The following TTC19 variants were observed in gnomAD, a reference collection of about 807,000 sequenced individuals.
The protein encoded by TTC19 is tetratricopeptide repeat domain 19, also known as tetratricopeptide repeat protein 19, mitochondrial.
TTC19 carries 38 observed loss-of-function variants against 49.5 expected under a neutral mutation model. The ratio of observed to expected loss-of-function variants is 0.77; its 90% CI spans 0.59 to 1.01. The LOEUF is 1.01. Ranked by LOEUF, TTC19 falls within the 50% of genes least tolerant of loss-of-function variation. TTC19 has a pLI of 0.00. For missense variants in TTC19, 475 were observed against 477.7 expected, an observed-to-expected ratio of 0.99 and a Z score of 0.05; for synonymous variants, 204 against 185.2, an observed-to-expected ratio of 1.10 and a Z score of -0.83.
downstream of TTC19, among the ~76,000 whole-genome samples, chr17:16,032,658 A>T (rs568866446): frequency 6.6e-6 from 1 of 152,236 alleles, no homozygotes; most frequent in East Asian, 1.9e-4. Flanking sequence ...ATCCTAGCCA[A>T]TGATATATAG....
At chr17:16,017,326 A>G (rs527707251) in intron 7 of TTC19, among the ~76,000 whole-genome samples, 6 of 151,816 alleles carry the variant, frequency 4.0e-5, no homozygotes, top group African/African-American at 1.4e-4. Flanking sequence ...ACGGGTGCCT[A>G]TAGTCCCAGC....
At chr17:16,033,934 G>T (rs190385161), downstream of TTC19, among the ~76,000 whole-genome samples, 63 of 152,168 alleles carry the variant, frequency 4.1e-4, 1 homozygote, top group East Asian at 8.5e-3. Flanking sequence ...GACCTCAAGT[G>T]ATCTGCCCGC....
intron 7 of TTC19, among the ~76,000 whole-genome samples, chr17:16,020,852 G>C (rs1268026443): frequency 6.6e-6 from 1 of 151,970 alleles, no homozygotes; most frequent in Non-Finnish European, 1.5e-5. Context: ...TATATTTTTG[G>C]GGGGTGGTGG....
At chr17:16,026,916 G>A (rs879838004) in intron 9 of TTC19, 7 of 626,662 alleles carry the variant, frequency 1.1e-5, no homozygotes, top group African/African-American at 1.8e-5. Context: ...CTAGCCTGTC[G>A]AACCCCATCA....
chr17:16,037,986 T>C (rs2056763816), intron 2 of TTC19, among the ~76,000 whole-genome samples: 1 of 152,188 alleles, frequency 6.6e-6, no homozygotes, highest in Non-Finnish European at 1.5e-5. Flanking sequence ...ACCAGTCTTA[T>C]AACCTTAAAA....
chr17:16,009,151 A>C (rs1970994982), intron 7 of TTC19, among the ~76,000 whole-genome samples: 1 of 152,240 alleles, frequency 6.6e-6, no homozygotes, highest in Admixed American at 6.5e-5. Flanking sequence ...GCAGTGTGGA[A>C]GTGCTTTGAG....
intron 7 of TTC19, among the ~76,000 whole-genome samples, chr17:16,012,299 G>T (rs1444971536): frequency 6.6e-6 from 1 of 152,098 alleles, no homozygotes; most frequent in African/African-American, 2.4e-5. Context: ...GACCAGCCCT[G>T]GAAACGTGGC....
intron 6 of TTC19, among the ~76,000 whole-genome samples, chr17:16,005,067 TAAG>T (rs1158453785): frequency 6.6e-6 from 1 of 152,190 alleles, no homozygotes; most frequent in Admixed American, 6.5e-5. Context: ...ATCCCTAGGG[TAAG>T]AAGAAGCCCA....
intron 7 of TTC19, among the ~76,000 whole-genome samples, chr17:16,013,813 A>G (rs1971142748): frequency 6.6e-6 from 1 of 152,238 alleles, no homozygotes; most frequent in African/African-American, 2.4e-5. Flanking sequence ...CTTCAGACTG[A>G]ATTATCAGAT....
chr17:16,042,248 AT>A (rs372336528), intron 2 of TTC19, among the ~76,000 whole-genome samples: 28 of 152,232 alleles, frequency 1.8e-4, no homozygotes, highest in African/African-American at 6.0e-4. Context: ...AGGTAAATAA[AT>A]TGAGCCTGAA....
At chr17:16,027,054 G>GTC in intron 9 of TTC19, 1 of 508,008 alleles carries the variant, frequency 2.0e-6, no homozygotes, top group South Asian at 2.1e-5. Flanking sequence ...GTATCATTTT[G>GTC]TCAGACATTT....
intron 2 of TTC19, among the ~76,000 whole-genome samples, chr17:16,042,587 CCTA>C (rs1287669131): frequency 6.6e-6 from 1 of 152,130 alleles, no homozygotes; most frequent in Non-Finnish European, 1.5e-5. Flanking sequence ...GTGACTGGTA[CCTA>C]CTGTTGAGCA....
At chr17:16,018,635 T>C (rs946253278) in intron 7 of TTC19, among the ~76,000 whole-genome samples, 15 of 152,286 alleles carry the variant, frequency 9.8e-5, no homozygotes, top group African/African-American at 3.1e-4. Context: ...GCCTCCCAAG[T>C]AGCTGAGACT....
At chr17:16,001,892 A>G in intron 2 of TTC19, 23 bp from the exon 3 acceptor site, 4 of 1,540,590 alleles carry the variant, frequency 2.6e-6, no homozygotes, top group South Asian at 1.1e-5. Flanking sequence ...TTCATTTTCT[A>G]TTATTTTGTC....
At chr17:16,030,934 G>A (rs1971866915), downstream of TTC19, 1 of 195,132 alleles carries the variant, frequency 5.1e-6, no homozygotes, top group South Asian at 1.9e-4. Flanking sequence ...CATCCTGAGA[G>A]ATCTGTTTCT....
chr17:16,010,589 C>G lies in TTC19; in HGVS notation c.676+4021C>G, dbSNP rs147348784. Among the ~76,000 whole-genome samples the G allele has an allele frequency of 9.8e-3, 1,488 of 152,142 alleles. 29 individuals carry two copies. Among genetic ancestry groups the G allele is most frequent in the African/African-American group, 0.034 (1,412 of 41,478 alleles). On this transcript the variant is annotated intron_variant, in intron 7 of 9. Transcript: ENST00000261647. ...TCCCCGGTTCAAGCGATTCTCCTGC[C>G]TCAGCCTCCCGAGTAGCTGGGACTA... is the stretch of plus-strand genomic sequence containing the variant.
At chr17:16,019,396 A>G (rs1203102014) in intron 7 of TTC19, among the ~76,000 whole-genome samples, 1 of 152,248 alleles carries the variant, frequency 6.6e-6, no homozygotes, top group Non-Finnish European at 1.5e-5. Context: ...GAATGGTATC[A>G]TACTGTACAA....
intron 7 of TTC19, among the ~76,000 whole-genome samples, chr17:16,009,521 A>G (rs544202864): frequency 7.8e-4 from 118 of 152,198 alleles, no homozygotes; most frequent in Non-Finnish European, 1.5e-3. Context: ...CAGGCAAAGG[A>G]ATTCTTGTTA....
intron 2 of TTC19, among the ~76,000 whole-genome samples, chr17:16,041,424 C>CTTTTTTTTTTTTTTTTTTTTTTTT (rs2057575771): frequency 1.1e-4 from 5 of 46,242 alleles, no homozygotes; most frequent in African/African-American, 1.9e-4. Flanking sequence ...TTTTTTTTTC[C>CTTTTTTTTTTTTTTTTTTTTTTTT]TTTGAGATGG....
Sources: allele counts gnomAD v4.1 joint callset (sites outside exome capture counted in the v4.1 genomes callset), GRCh38; gene constraint gnomAD v4.1.1; transcripts MANE v1.5; gene names NCBI Gene and HGNC (gene_info 2026-07-23, HGNC 2026-07-21).